PDZRN4: variants seen among roughly 807,000 people sequenced by gnomAD.
PDZRN4 encodes the protein PDZ domain-containing RING finger protein 4.
In PDZRN4, 70 loss-of-function variants were observed where a neutral mutation model predicts 99.0. The ratio of observed to expected loss-of-function variants is 0.71; its 90% CI spans 0.58 to 0.86. The LOEUF is 0.86. Among genes scored for constraint, PDZRN4 ranks in the 40% least tolerant of loss-of-function variants. The pLI is 0.00. For synonymous variants in PDZRN4, 551 were observed against 501.6 expected (o/e 1.10, Z -1.32); for missense variants, 1,474 against 1,331.2 (o/e 1.11, Z -1.67).
intron 5 of PDZRN4, among the ~76,000 whole-genome samples, chr12:41,526,660 T>C (rs992209983): frequency 1.4e-4 from 22 of 152,354 alleles, no homozygotes; most frequent in Admixed American, 1.4e-3. Context: ...CACACCCTAC[T>C]ATCAGACATT....
chr12:41,258,335 TAGA>T (rs1229588705), intron 3 of PDZRN4, among the ~76,000 whole-genome samples: 4 of 151,912 alleles, frequency 2.6e-5, no homozygotes, highest in East Asian at 1.9e-4. Context: ...TTTTGGTAAA[TAGA>T]AGGAGGGAGG....
intron 3 of PDZRN4, among the ~76,000 whole-genome samples, chr12:41,502,998 C>T (rs189368320): frequency 6.6e-6 from 1 of 152,176 alleles, no homozygotes; most frequent in Non-Finnish European, 1.5e-5. Context: ...CTGATGATAA[C>T]TGAGCAGAGC....
intron 3 of PDZRN4, among the ~76,000 whole-genome samples, chr12:41,278,449 C>T (rs1304835014): frequency 1.3e-5 from 2 of 152,124 alleles, no homozygotes; most frequent in Non-Finnish European, 2.9e-5. Context: ...ATTGACTTTA[C>T]AAAAGATTAC....
intron 3 of PDZRN4, chr12:41,478,017 GC>G: frequency 1.3e-6 from 1 of 771,712 alleles, no homozygotes. Context: ...AAATGTGGCT[GC>G]TTTGGTCTTT....
intron 3 of PDZRN4, among the ~76,000 whole-genome samples, chr12:41,506,169 A>G (rs1037048597): frequency 7.9e-5 from 12 of 152,008 alleles, no homozygotes; most frequent in Non-Finnish European, 1.5e-4. Context: ...CCTTTTCTGA[A>G]GCAGATGTGT....
intron 6 of PDZRN4, 80 bp from the exon 7 acceptor site, chr12:41,555,618 A>T: frequency 9.2e-7 from 1 of 1,092,028 alleles, no homozygotes; most frequent in Non-Finnish European, 1.4e-6. Context: ...CTTTTTCAAA[A>T]TATATTTTAA....
chr12:41,227,394 G>C (rs1460116214), intron 3 of PDZRN4, among the ~76,000 whole-genome samples: 1 of 152,154 alleles, frequency 6.6e-6, no homozygotes, highest in African/African-American at 2.4e-5. Context: ...GCTGGGTGCA[G>C]TGGCTCACAC....
chr12:41,360,415 T>A (rs1951956114), intron 3 of PDZRN4, among the ~76,000 whole-genome samples: 1 of 152,070 alleles, frequency 6.6e-6, no homozygotes, highest in Non-Finnish European at 1.5e-5. Context: ...CATGGTGCTT[T>A]AGCTATTGCC....
intron 3 of PDZRN4, among the ~76,000 whole-genome samples, chr12:41,284,526 CA>C (rs139351862): frequency 0.011 from 1,732 of 152,006 alleles, 55 homozygotes; most frequent in East Asian, 0.097. Flanking sequence ...CAAATGGAAC[CA>C]AAAAAAGAGC....
rs1302578684 is a variant in PDZRN4 at position 41,376,888 on chromosome 12, T to C, written c.844-129568T>C. On this transcript the variant is annotated intron_variant, in intron 3 of 9. Transcript: ENST00000402685. The stretch of plus-strand genomic sequence containing the variant: ...TTTATATTTAAGTTTTAATTCTATT[T>C]TGAGTTAAATTTTGCGAGTTGTGTA... 2.6e-5 allele frequency among the ~76,000 whole-genome samples: 4 copies of C among 152,206 alleles called. No homozygotes were observed. In the East Asian group the frequency reaches 5.8e-4, roughly 22 times the overall value.
intron 3 of PDZRN4, among the ~76,000 whole-genome samples, chr12:41,299,327 C>T (rs949993012): frequency 2.0e-5 from 3 of 152,084 alleles, no homozygotes; most frequent in African/African-American, 7.2e-5. Flanking sequence ...TCTGGACACT[C>T]TTTCTCAATG....
intron 6 of PDZRN4, 29 bp from the exon 7 acceptor site, chr12:41,555,667 CAG>C (rs747520199): frequency 3.9e-6 from 6 of 1,540,860 alleles, no homozygotes; most frequent in African/African-American, 1.4e-5. Flanking sequence ...GTTTCATACC[CAG>C]TTGAAGATGT....
At chr12:41,535,626 A>G (rs528108609) in intron 5 of PDZRN4, among the ~76,000 whole-genome samples, 1 of 152,270 alleles carries the variant, frequency 6.6e-6, no homozygotes, top group Admixed American at 6.5e-5. Context: ...GGTGGACCTG[A>G]TGAGAGGCTA....
chr12:41,225,759 C>T (rs1950989687), intron 3 of PDZRN4, among the ~76,000 whole-genome samples: 1 of 152,170 alleles, frequency 6.6e-6, no homozygotes, highest in South Asian at 2.1e-4. Flanking sequence ...CCATTTCTGT[C>T]GTCAATTGTG....
intron 3 of PDZRN4, among the ~76,000 whole-genome samples, chr12:41,292,363 C>A (rs1951461917): frequency 6.6e-6 from 1 of 152,056 alleles, no homozygotes. Flanking sequence ...TGCTGGAGAG[C>A]ACATGTGTGC....
rs1176760695 is a variant in PDZRN4, at chr12:41,402,304, CAGTGTGTATATATATATACACACACTG to C, written c.844-104151_844-104125del. Among the ~76,000 whole-genome samples the C allele has an allele frequency of 2.3e-3, 4 of 1,760 alleles. 2 individuals carry two copies. Among genetic ancestry groups the C allele is most frequent in the African/African-American group, 0.024 (2 of 84 alleles). The allele number at this position is 1,760 out of a possible 152,430, so 1.2% of individuals were successfully genotyped here. The stretch of plus-strand genomic sequence containing the variant: ...CTGTGTATATATATATATATACACA[CAGTGTGTATATATATATACACACACTG>C]TGTGTATATATATATATACACACAG... On this transcript the variant is annotated intron_variant, in intron 3 of 9. Coordinates refer to ENST00000402685, the MANE Select transcript of PDZRN4 (RefSeq NM_001164595.2).
chr12:41,491,961 T>C (rs150991682), intron 3 of PDZRN4, among the ~76,000 whole-genome samples: 1 of 152,258 alleles, frequency 6.6e-6, no homozygotes. Context: ...AATAACCTAA[T>C]TTATACTTGT....
At position 41,412,185 on chromosome 12, in the gene PDZRN4, AC is replaced by A. The variant is rs1169632153; in HGVS notation, c.844-94266del. ...TTTATATGTAATGTAGCAGTCGTAG[AC>A]CCCCTTGAACAATGTGCACAGACAT... On this transcript the variant is annotated intron_variant, in intron 3 of 9. Coordinates refer to ENST00000402685, the MANE Select transcript of PDZRN4 (RefSeq NM_001164595.2). The A allele has an allele frequency of 4.6e-5, 7 of 152,030 alleles. No homozygotes were observed. In the South Asian group the frequency reaches 1.5e-3, roughly 32 times the overall value. The allele number at this position is 152,030 out of a possible 1,614,324, so 9.4% of individuals were successfully genotyped here.
chr12:41,556,349 A>G (rs1939161717), intron 7 of PDZRN4, among the ~76,000 whole-genome samples: 1 of 152,214 alleles, frequency 6.6e-6, no homozygotes, highest in South Asian at 2.1e-4. Flanking sequence ...TTGTGCAAAC[A>G]TTGGAGAGTG....
Sources: allele counts gnomAD v4.1 joint callset (sites outside exome capture counted in the v4.1 genomes callset), GRCh38; gene constraint gnomAD v4.1.1; transcripts MANE v1.5; gene names NCBI Gene and HGNC (gene_info 2026-07-23, HGNC 2026-07-21).